The following MGAT5B variants were observed in gnomAD, a reference collection of about 807,000 sequenced individuals.
MGAT5B encodes N-acetylglucosaminyl-transferase Vb.
MGAT5B carries 54 observed loss-of-function variants against 95.1 expected under a neutral mutation model. The observed-to-expected ratio is 0.57, with a 90% CI of 0.46 to 0.71. The LOEUF (loss-of-function observed/expected upper bound fraction) is 0.71, where lower values mean the gene tolerates loss of function less well. Ranked by LOEUF, MGAT5B falls within the 30% of genes least tolerant of loss-of-function variation. The pLI is 0.00. For missense variants in MGAT5B, 935 were observed against 1,088.6 expected, an observed-to-expected ratio of 0.86 and a Z score of 1.99; for synonymous variants, 464 against 451.0, an observed-to-expected ratio of 1.03 and a Z score of -0.36.
intron 6 of MGAT5B, among the ~76,000 whole-genome samples, 185 bp downstream of exon 6, chr17:76,904,607 G>A (rs1968451036): frequency 2.0e-5 from 3 of 152,254 alleles, no homozygotes; most frequent in African/African-American, 7.2e-5. Flanking sequence ...TGCCTTCTTT[G>A]AGATGCCACC....
intron 15 of MGAT5B, among the ~76,000 whole-genome samples, chr17:76,942,379 G>T (rs1472111557): frequency 6.6e-6 from 1 of 152,114 alleles, no homozygotes; most frequent in Non-Finnish European, 1.5e-5. Context: ...AATACAAAAA[G>T]AAATTTAGAC....
At chr17:76,945,372 C>A (rs1370101499) in intron 15 of MGAT5B, among the ~76,000 whole-genome samples, 1 of 152,202 alleles carries the variant, frequency 6.6e-6, no homozygotes, top group African/African-American at 2.4e-5. Context: ...TCACTGCAAC[C>A]TCCACCTCCC....
intron 3 of MGAT5B, among the ~76,000 whole-genome samples, chr17:76,884,725 T>A (rs988659423): frequency 1.3e-5 from 2 of 151,906 alleles, no homozygotes; most frequent in African/African-American, 2.4e-5. Flanking sequence ...TGCCTCAGTC[T>A]CCTGAGTAGC....
At chr17:76,887,457 C>CCCTCCCTCCCTCCCTT (rs1347653534) in intron 3 of MGAT5B, among the ~76,000 whole-genome samples, 1 of 98,400 alleles carries the variant, frequency 1.0e-5, no homozygotes, top group Non-Finnish European at 2.0e-5. Flanking sequence ...CTTCCTTCCT[C>CCCTCCCTCCCTCCCTT]CCTCCCTCCC....
At chr17:76,903,979 G>T (rs113933208) in intron 5 of MGAT5B, among the ~76,000 whole-genome samples, 218 of 152,340 alleles carry the variant, frequency 1.4e-3, no homozygotes, top group African/African-American at 5.0e-3. Flanking sequence ...CAGGCCTCCT[G>T]GCTCTTTGCC....
At chr17:76,925,604 C>T (rs907680357) in intron 9 of MGAT5B, among the ~76,000 whole-genome samples, 5 of 152,174 alleles carry the variant, frequency 3.3e-5, no homozygotes, top group Middle Eastern at 3.4e-3. Context: ...CTATTTATTA[C>T]GTGTGCTCCA....
intron 11 of MGAT5B, 35 bp downstream of exon 11, chr17:76,932,810 C>T (rs1382258670): frequency 6.2e-7 from 1 of 1,610,370 alleles, no homozygotes; most frequent in East Asian, 2.2e-5. Context: ...AAGCACCAGC[C>T]TGCTCGGCAC....
In MGAT5B at chr17:76,948,387, T is replaced by C. The variant is rs559134586; in HGVS notation, c.2181-253T>C. ...TCGTCCTGTCCCAGACCATGAAAGCTGTCCCAGGTGCTCCTCCTACTGGGT... is the reference window on the plus strand; with the variant it reads ...TCGTCCTGTCCCAGACCATGAAAGCCGTCCCAGGTGCTCCTCCTACTGGGT... On this transcript the variant is annotated intron_variant, in intron 17 of 17. Coordinates refer to ENST00000569840, the MANE Select transcript of MGAT5B (RefSeq NM_001199172.2). Among the ~76,000 whole-genome samples the C allele has an allele frequency of 3.9e-5, 6 of 152,318 alleles. No homozygotes were observed. The South Asian group carries it at 1.2e-3, about 32-fold the overall frequency.
chr17:76,915,448 G>A lies in MGAT5B; in HGVS notation c.1025+9261G>A, dbSNP rs935604185. 4.6e-5 allele frequency among the ~76,000 whole-genome samples: 7 copies of A among 152,124 alleles called. No individual in the cohort carries two copies. The highest frequency in any genetic ancestry group is 1.7e-4 in the African/African-American group (7 of 41,426). ...GCCAGGTGGAGGCAGCGGGAGACGC[G>A]AGGAAGTGGACAAGACCGAAAAACA... is the stretch of plus-strand genomic sequence containing the variant. On this transcript the variant is annotated intron_variant, in intron 8 of 17. Transcript: ENST00000569840. The surrounding 1 kb of genome is among the most constrained non-coding windows in gnomAD (Gnocchi z 8.7).
intron 6 of MGAT5B, 33 bp downstream of exon 6, chr17:76,904,455 G>C: frequency 6.5e-7 from 1 of 1,538,796 alleles, no homozygotes; most frequent in East Asian, 2.4e-5. Flanking sequence ...CCGGTGAGGG[G>C]CTGGTGTGGC....
intron 17 of MGAT5B, 124 bp downstream of exon 17, chr17:76,948,210 C>T: frequency 1.4e-6 from 2 of 1,438,900 alleles, no homozygotes; most frequent in Non-Finnish European, 1.8e-6. Context: ...TAATGCTTTC[C>T]AATGAGTCAG....
In MGAT5B at chr17:76,882,264, C is replaced by A; in HGVS notation, c.295C>A (p.Arg99=). 6.2e-7 allele frequency: 1 copy of A among 1,612,966 alleles called. No homozygotes were observed. The highest frequency in any genetic ancestry group is 8.5e-7 in the Non-Finnish European group (1 of 1,179,702). The part of the protein sequence containing the change: ...ARLENSSELH[R]AGGDLHFPAD... ...GCTGGAGAACAGCAGTGAGCTGCAC[C>A]GGGCCGGCGGCGACCTGCACTTTCC... Residue 99 remains arginine, a synonymous_variant, in exon 3 of 18, where the codon CGG becomes AGG. Coordinates refer to ENST00000569840, the MANE Select transcript of MGAT5B (RefSeq NM_001199172.2).
chr17:76,949,072 C>A lies in MGAT5B; in HGVS notation c.*234C>A, dbSNP rs1040677935. 4 of 595,314 alleles carry A rather than the reference C, an allele frequency of 6.7e-6. No homozygotes were observed. The South Asian group carries it at 8.2e-5, about 12-fold the overall frequency. The allele number at this position is 595,314 out of a possible 1,614,324, so 36.9% of individuals were successfully genotyped here. On this transcript the variant is annotated 3_prime_UTR_variant, in exon 18 of 18. Transcript: ENST00000569840. ...GCTCCGGTTCTCTCCTGGGGACTCA[C>A]AGAAGCATCGTGGCCAAGCAGGTGT...
chr17:76,932,597 C>T, intron 10 of MGAT5B, 48 bp from the exon 11 acceptor site: 1 of 1,608,848 alleles, frequency 6.2e-7, no homozygotes, highest in Non-Finnish European at 8.5e-7. Context: ...CCTGGGGCTG[C>T]CCTTGGTTGT....
rs749827296 is a variant in MGAT5B, at chr17:76,914,295, C to G, written c.1025+8108C>G. On this transcript the variant is annotated intron_variant, in intron 8 of 17. Transcript: ENST00000569840. The surrounding 1 kb of genome is among the most constrained non-coding windows in gnomAD (Gnocchi z 5.1). ...GGCGGGATGGGGAGGACACAGCAGT[C>G]GTGAGTGTCTGCACTCCTCCAAGGA... is the stretch of plus-strand genomic sequence containing the variant. Among the ~76,000 whole-genome samples the G allele has an allele frequency of 1.3e-5, 2 of 152,128 alleles. No homozygotes were observed. The highest frequency in any genetic ancestry group is 2.4e-5 in the African/African-American group (1 of 41,424).
chr17:76,944,807 G>A lies in MGAT5B; in HGVS notation c.1849-1569G>A, dbSNP rs115738234. Among the ~76,000 whole-genome samples, 342 of 152,322 alleles carry A rather than the reference G, an allele frequency of 2.2e-3. 1 individual carries two copies. Among genetic ancestry groups the A allele is most frequent in the African/African-American group, 7.7e-3 (322 of 41,572 alleles). On this transcript the variant is annotated intron_variant, in intron 15 of 17. Coordinates refer to ENST00000569840, the MANE Select transcript of MGAT5B (RefSeq NM_001199172.2). Reference sequence around the variant, plus strand: ...CCAGGACGAGTCTCCTAAGAAGTGGGGTACACAGAAGGCAGGACCGAGCTT... The same window carrying A: ...CCAGGACGAGTCTCCTAAGAAGTGGAGTACACAGAAGGCAGGACCGAGCTT...
intron 2 of MGAT5B, among the ~76,000 whole-genome samples, chr17:76,878,562 T>C (rs1967284192): frequency 6.6e-6 from 1 of 151,998 alleles, no homozygotes; most frequent in Non-Finnish European, 1.5e-5. Context: ...GCAGCCTCAA[T>C]CTCATGGGCT....
chr17:76,933,417 C>A, intron 12 of MGAT5B, 120 bp downstream of exon 12: 3 of 1,338,400 alleles, frequency 2.2e-6, no homozygotes, highest in South Asian at 1.3e-5. Context: ...GGGCTTGTGG[C>A]TCCTGTGGAT....
At chr17:76,880,709 C>T (rs1208955839) in intron 2 of MGAT5B, among the ~76,000 whole-genome samples, 1 of 152,176 alleles carries the variant, frequency 6.6e-6, no homozygotes, top group Non-Finnish European at 1.5e-5. Context: ...GGCCCCAGTC[C>T]CCTTGCCCCT....
Sources: gnomAD v4.1 joint callset for allele counts (sites outside exome capture counted in the v4.1 genomes callset) on GRCh38, gnomAD v4.1.1 for gene constraint, Gnocchi (gnomAD v3.1) non-coding constraint, MANE v1.5 for transcripts, NCBI Gene and HGNC (gene_info 2026-07-23, HGNC 2026-07-21) for gene names.